The following MAK variants were observed in gnomAD, a reference collection of about 807,000 sequenced individuals.
MAK encodes the protein male germ cell associated kinase.
In MAK, 65 loss-of-function variants were observed where a neutral mutation model predicts 82.6. The observed-to-expected ratio is 0.79, with a 90% CI of 0.64 to 0.97. The LOEUF (loss-of-function observed/expected upper bound fraction) is 0.97, where lower values mean the gene tolerates loss of function less well. Ranked by LOEUF, MAK falls within the 50% of genes least tolerant of loss-of-function variation. The pLI, the probability that MAK is intolerant of heterozygous loss-of-function variation, is 0.00. For synonymous variants in MAK, 250 were observed against 274.2 expected, an observed-to-expected ratio of 0.91 and a Z score of 0.87; for missense variants, 703 against 780.2, an observed-to-expected ratio of 0.90 and a Z score of 1.18.
Position 10,775,328 on chromosome 6 carries a change from C to G in MAK, c.1597G>C (p.Glu533Gln). ...AELAFKRSNA[E>Q]ESIIKPIEKL... ...TGTACATTTTGTATTCTTGCGTTAC[C>G]TGCATTGCTCCTTTTGAAAGCAAGT... The change falls in exon 12 of 15, where the codon GAA (glutamate) becomes CAA (glutamine). Residue 533 changes from glutamate to glutamine, a missense_variant and splice_region_variant. By Grantham distance (29) the Glu-to-Gln change is conservative. Transcript: ENST00000354489. The G allele has an allele frequency of 6.2e-7, 1 of 1,613,060 alleles. No homozygotes were observed. Among genetic ancestry groups the G allele is most frequent in the Non-Finnish European group, 8.5e-7 (1 of 1,179,338 alleles).
chr6:10,835,723 G>A (rs1013466796), intron 1 of MAK, among the ~76,000 whole-genome samples: 2 of 152,214 alleles, frequency 1.3e-5, no homozygotes, highest in African/African-American at 4.8e-5. Flanking sequence ...GACTTGAGAA[G>A]GGAATGGAAG....
intron 4 of MAK, among the ~76,000 whole-genome samples, chr6:10,815,583 A>G (rs2127574009): frequency 6.6e-6 from 1 of 152,150 alleles, no homozygotes; most frequent in East Asian, 1.9e-4. Context: ...TGTTTGCACC[A>G]CTGCACTCTG....
At position 10,783,199 on chromosome 6, in the gene MAK, C is replaced by T. The variant is rs553835135; in HGVS notation, c.1465+1225G>A. 1.5e-4 allele frequency among the ~76,000 whole-genome samples: 23 copies of T among 151,824 alleles called. No homozygotes were observed. The East Asian group carries it at 1.7e-3, about 12-fold the overall frequency. ...AAGATGTATCTGTGTAGATACAGGA[C>T]GATTTAAAAATGGATTATCTTTTAG... On this transcript the variant is annotated intron_variant, in intron 11 of 14. Coordinates refer to ENST00000354489, the MANE Select transcript of MAK (RefSeq NM_001242957.3).
intron 11 of MAK, among the ~76,000 whole-genome samples, chr6:10,783,823 A>C (rs531460998): frequency 6.6e-6 from 1 of 152,204 alleles, no homozygotes; most frequent in Admixed American, 6.5e-5. Context: ...GATCGAGACC[A>C]TCCCGGCTAA....
At chr6:10,832,744 C>T (rs1401586756) in intron 1 of MAK, among the ~76,000 whole-genome samples, 1 of 152,200 alleles carries the variant, frequency 6.6e-6, no homozygotes, top group Admixed American at 6.5e-5. Context: ...AGTGATCCAC[C>T]TGCCTCCACC....
At chr6:10,766,753 T>C (rs1772474902) in intron 14 of MAK, among the ~76,000 whole-genome samples, 2 of 152,080 alleles carry the variant, frequency 1.3e-5, no homozygotes, top group African/African-American at 4.8e-5. Flanking sequence ...AAAGGGAACG[T>C]GGCATTAGGC....
chr6:10,827,437 A>T (rs1778464598), intron 2 of MAK, among the ~76,000 whole-genome samples: 1 of 152,190 alleles, frequency 6.6e-6, no homozygotes, highest in African/African-American at 2.4e-5. Context: ...CATTTTGTCT[A>T]ATAACACTCA....
intron 2 of MAK, among the ~76,000 whole-genome samples, chr6:10,822,201 C>T (rs942216252): frequency 3.4e-5 from 5 of 149,064 alleles, no homozygotes; most frequent in African/African-American, 1.0e-4. Context: ...CACCTGTAAT[C>T]GCAGCACTTT....
chr6:10,820,325 T>C (rs1327271308), intron 2 of MAK, among the ~76,000 whole-genome samples: 1 of 152,116 alleles, frequency 6.6e-6, no homozygotes, highest in African/African-American at 2.4e-5. Context: ...CCAGAGGCTC[T>C]ATGGGGGTAT....
At chr6:10,773,690 ATTTT>A (rs34702806) in intron 12 of MAK, among the ~76,000 whole-genome samples, 3 of 136,736 alleles carry the variant, frequency 2.2e-5, no homozygotes, top group Admixed American at 7.4e-5. Context: ...ACTATTAGTG[ATTTT>A]TTTTTTTTTT....
At chr6:10,818,049 G>A (rs1050211505) in intron 3 of MAK, 78 bp from the exon 4 acceptor site, 7 of 752,120 alleles carry the variant, frequency 9.3e-6, no homozygotes, top group Non-Finnish European at 1.5e-5. Context: ...AATGCTAAGT[G>A]TAATAATTAC....
At chr6:10,823,023 C>G (rs1197042401) in intron 2 of MAK, among the ~76,000 whole-genome samples, 4 of 152,210 alleles carry the variant, frequency 2.6e-5, no homozygotes, top group African/African-American at 7.2e-5. Context: ...ACCATTCCCC[C>G]TCCAACACAT....
In MAK at chr6:10,830,722, A is replaced by C. The variant is rs1778754437; in HGVS notation, c.-74T>G. ...TTGAATATAAATTTGAACGCTTCTT[A>C]ATTTTTATTTGCTTTTGTCCTCACA... On this transcript the variant is annotated 5_prime_UTR_variant, in exon 2 of 15. In the 5' UTR this introduces an upstream ATG that the reference lacks. Transcript: ENST00000354489. 2 of 1,187,764 alleles carry C rather than the reference A, an allele frequency of 1.7e-6. No individual in the cohort carries two copies. Among genetic ancestry groups the C allele is most frequent in the Non-Finnish European group, 2.5e-6 (2 of 793,390 alleles). The allele number at this position is 1,187,764 out of a possible 1,614,324, so 73.6% of individuals were successfully genotyped here. A position where few individuals can be genotyped will look rare whatever the true frequency, so the allele number is the denominator to read the frequency against.
chr6:10,824,012 G>A (rs960683841), intron 2 of MAK, among the ~76,000 whole-genome samples: 2 of 150,420 alleles, frequency 1.3e-5, no homozygotes, highest in African/African-American at 4.9e-5. Context: ...AAAAAAAAAT[G>A]AGAAGGGAGA....
At chr6:10,782,315 T>C (rs1774074672) in intron 11 of MAK, among the ~76,000 whole-genome samples, 2 of 152,300 alleles carry the variant, frequency 1.3e-5, no homozygotes, top group South Asian at 4.1e-4. Context: ...AAGTTTTTGC[T>C]GTTCTTGATG....
In MAK at chr6:10,764,596, C is replaced by T. The variant is rs770320899; in HGVS notation, c.1803G>A (p.Trp601Ter). The T allele has an allele frequency of 2.5e-6, 4 of 1,613,646 alleles. No homozygotes were observed. The highest frequency in any genetic ancestry group is 3.4e-6 in the Non-Finnish European group (4 of 1,179,794). ...ACTGCCCCCGACCAGTTTTTGTGTT[C>T]CAGGTATATTCTGAAAGAAATCAGA... ...PLNATASEYT[W>*]NTKTGRGQFS... Residue 601 changes from tryptophan to a stop codon, truncating the protein, a stop_gained, in exon 15 of 15, where the codon TGG becomes TGA. Coordinates refer to ENST00000354489, the MANE Select transcript of MAK (RefSeq NM_001242957.3). LOFTEE classifies it high-confidence loss of function.
chr6:10,763,705 G>A lies in MAK; in HGVS notation c.*747C>T, dbSNP rs1316944990. ...GTCTCTACTAATACTACAAAAATTA[G>A]CCAGGCATGGTGGCACACGCCTCTA... is the stretch of plus-strand genomic sequence containing the variant. On this transcript the variant is annotated 3_prime_UTR_variant, in exon 15 of 15. Coordinates refer to ENST00000354489, the MANE Select transcript of MAK (RefSeq NM_001242957.3). 1.3e-5 allele frequency: 2 copies of A among 152,090 alleles called. No individual in the cohort carries two copies. Among genetic ancestry groups the A allele is most frequent in the Admixed American group, 6.6e-5 (1 of 15,258 alleles). The allele number at this position is 152,090 out of a possible 1,614,324, so 9.4% of individuals were successfully genotyped here. A position where few individuals can be genotyped will look rare whatever the true frequency, so the allele number is the denominator to read the frequency against.
chr6:10,824,762 A>C (rs926853702), intron 2 of MAK, among the ~76,000 whole-genome samples: 2 of 151,794 alleles, frequency 1.3e-5, no homozygotes, highest in African/African-American at 2.4e-5. Flanking sequence ...CAACTCTCCA[A>C]AGCTCCATGC....
At chr6:10,828,181 T>C (rs1270002695) in intron 2 of MAK, among the ~76,000 whole-genome samples, 1 of 152,254 alleles carries the variant, frequency 6.6e-6, no homozygotes, top group Non-Finnish European at 1.5e-5. Context: ...TGTAATGGTT[T>C]AGATCATAAT....
Sources: gnomAD v4.1 joint callset for allele counts (sites outside exome capture counted in the v4.1 genomes callset) on GRCh38, gnomAD v4.1.1 for gene constraint, MANE v1.5 for transcripts, NCBI Gene and HGNC (gene_info 2026-07-23, HGNC 2026-07-21) for gene names.